The following DHX29 variants were observed in gnomAD, a reference collection of about 807,000 sequenced individuals.
DHX29 encodes the protein DExH-box helicase 29.
In DHX29, 79 loss-of-function variants were observed where a neutral mutation model predicts 167.9. The ratio of observed to expected loss-of-function variants is 0.47; its 90% CI spans 0.39 to 0.57. The LOEUF (loss-of-function observed/expected upper bound fraction) is 0.57. Among genes scored for constraint, DHX29 ranks in the 20% least tolerant of loss-of-function variants. DHX29 has a pLI of 0.00. For synonymous variants in DHX29, 530 were observed against 546.0 expected (o/e 0.97, Z 0.41); for missense variants, 1,347 against 1,593.4 (o/e 0.85, Z 2.63).
At chr5:55,294,262 T>C (rs1748194022) in intron 5 of DHX29, 117 bp from the exon 6 acceptor site, 3 of 1,027,320 alleles carry the variant, frequency 2.9e-6, no homozygotes, top group Non-Finnish European at 4.1e-6. Flanking sequence ...TAAGCTGTTA[T>C]TCCTTATTGC....
chr5:55,282,439 C>T (rs927609228), intron 11 of DHX29, among the ~76,000 whole-genome samples: 1 of 152,110 alleles, frequency 6.6e-6, no homozygotes, highest in African/African-American at 2.4e-5. Flanking sequence ...CAGCAGAAAC[C>T]GTGCCTTTTT....
chr5:55,261,610 T>C (rs400437), intron 24 of DHX29, 111 bp from the exon 25 acceptor site: 732,252 of 732,456 alleles, frequency 1, 366,024 homozygotes, highest in Middle Eastern at 1. Context: ...CATTTTAAGC[T>C]CAGAGTATTT....
At position 55,262,711 on chromosome 5, in the gene DHX29, C is replaced by A; in HGVS notation, c.3747G>T (p.Thr1249=). Residue 1249 remains threonine, a synonymous_variant, in exon 24 of 27, where the codon ACG becomes ACT. Coordinates refer to ENST00000251636, the MANE Select transcript of DHX29 (RefSeq NM_019030.4). ...GGTGTACTTGTGCTTTGCCTTGGGC[C>A]GTCTCCACAATGCAAGCCAATTTTT... is the stretch of plus-strand genomic sequence containing the variant. ...VTEKLACIVE[T]AQGKAQVHPS... is the part of the protein sequence containing the mutation. The A allele has an allele frequency of 6.2e-7, 1 of 1,614,018 alleles. No homozygotes were observed. The highest frequency in any genetic ancestry group is 8.5e-7 in the Non-Finnish European group (1 of 1,179,964).
intron 18 of DHX29, among the ~76,000 whole-genome samples, chr5:55,271,056 A>T (rs1449035831): frequency 6.6e-6 from 1 of 152,198 alleles, no homozygotes; most frequent in Non-Finnish European, 1.5e-5. Flanking sequence ...AATTCAACAT[A>T]CCTTTCACGA....
chr5:55,260,120 T>C (rs1200176191), intron 25 of DHX29, among the ~76,000 whole-genome samples, 176 bp from the exon 26 acceptor site: 1 of 152,230 alleles, frequency 6.6e-6, no homozygotes, highest in East Asian at 1.9e-4. Flanking sequence ...ACCTGTCAAT[T>C]TCCTTATTAA....
At chr5:55,279,259 T>G (rs1747275252) in intron 12 of DHX29, among the ~76,000 whole-genome samples, 1 of 152,068 alleles carries the variant, frequency 6.6e-6, no homozygotes, top group Non-Finnish European at 1.5e-5. Context: ...TTAAAGACAC[T>G]TTTACTTTGG....
intron 8 of DHX29, among the ~76,000 whole-genome samples, chr5:55,288,086 T>C (rs945678950): frequency 1.3e-5 from 2 of 151,054 alleles, no homozygotes; most frequent in Non-Finnish European, 2.9e-5. Context: ...CTACTAAAAA[T>C]ACAAAAACTA....
intron 9 of DHX29, 101 bp downstream of exon 9, chr5:55,285,595 C>G (rs1272087128): frequency 2.2e-6 from 3 of 1,335,116 alleles, no homozygotes; most frequent in African/African-American, 1.5e-5. Context: ...TTGAGAGCTT[C>G]CTAAATGTCT....
At chr5:55,280,540 A>G (rs1291414985) in intron 12 of DHX29, among the ~76,000 whole-genome samples, 1 of 152,208 alleles carries the variant, frequency 6.6e-6, no homozygotes, top group Non-Finnish European at 1.5e-5. Flanking sequence ...ATACAAAGCC[A>G]CAATGTGACA....
At chr5:55,284,365 C>G (rs962048195) in intron 10 of DHX29, among the ~76,000 whole-genome samples, 5 of 152,180 alleles carry the variant, frequency 3.3e-5, no homozygotes, top group African/African-American at 1.2e-4. Flanking sequence ...TTTAAATTAA[C>G]TATACTGGAT....
At chr5:55,287,938 G>GAAAAAAAAA (rs1247600043) in intron 8 of DHX29, among the ~76,000 whole-genome samples, 7 of 81,696 alleles carry the variant, frequency 8.6e-5, no homozygotes, top group Admixed American at 1.3e-4. Flanking sequence ...TGGAAAAAAA[G>GAAAAAAAAA]AAAAAAAAAA....
intron 1 of DHX29, among the ~76,000 whole-genome samples, chr5:55,301,778 T>C (rs956272270): frequency 4.6e-5 from 7 of 152,004 alleles, no homozygotes; most frequent in African/African-American, 1.7e-4. Flanking sequence ...GCATGGTTTT[T>C]ATACACCTTA....
intron 3 of DHX29, among the ~76,000 whole-genome samples, chr5:55,296,813 T>A (rs1014064166): frequency 1.3e-5 from 2 of 152,152 alleles, no homozygotes; most frequent in African/African-American, 4.8e-5. Flanking sequence ...TCAGTGAACA[T>A]CTTTATAGAT....
At chr5:55,299,588 T>C (rs1225758197) in intron 1 of DHX29, among the ~76,000 whole-genome samples, 6 of 152,130 alleles carry the variant, frequency 3.9e-5, no homozygotes. Flanking sequence ...TAAGAATCGT[T>C]CCTTCCCCCT....
In DHX29 at chr5:55,307,506, G is replaced by C. The variant is rs571880607; in HGVS notation, c.68C>G (p.Ser23Cys). The C allele has an allele frequency of 1.9e-6, 3 of 1,613,740 alleles. No homozygotes were observed. In the South Asian group the frequency reaches 3.3e-5, roughly 18 times the overall value. The stretch of plus-strand genomic sequence containing the variant: ...TCCAGCCTCGGCAGATTTGGCTCTG[G>C]AAGCAGACACGGCGGCCCGGACCAC... ...AAVVRAAVSA[S>C]RAKSAEAGIA... Residue 23 changes from serine (S) to cysteine (C), a missense_variant, in exon 1 of 27, where the codon TCC becomes TGC. Around this residue, in one of 3 missense-constraint regions of DHX29, gnomAD observed 405 missense variants for 416.8 expected, o/e 0.97. Coordinates refer to ENST00000251636, the MANE Select transcript of DHX29 (RefSeq NM_019030.4).
rs138558686 is a variant in DHX29 at position 55,260,968 on chromosome 5, G to C, written c.3960+400C>G. Among the ~76,000 whole-genome samples, 107 of 152,238 alleles carry C rather than the reference G, an allele frequency of 7.0e-4. 1 individual carries two copies. In the East Asian group the frequency reaches 0.014, roughly 20 times the overall value. ...TTGGGTATCAAATAGTCCTAGATTT[G>C]AATCTTGCTCTGTCAGTAACAATCC... On this transcript the variant is annotated intron_variant, in intron 25 of 26. Transcript: ENST00000251636.
At chr5:55,258,780 T>C (rs1261442824) in intron 26 of DHX29, among the ~76,000 whole-genome samples, 1 of 152,116 alleles carries the variant, frequency 6.6e-6, no homozygotes, top group East Asian at 1.9e-4. Context: ...CTTGAACTCC[T>C]GGCCTCAAGC....
chr5:55,292,764 C>T (rs1399295878), intron 6 of DHX29, among the ~76,000 whole-genome samples: 1 of 152,100 alleles, frequency 6.6e-6, no homozygotes, highest in Non-Finnish European at 1.5e-5. Context: ...CAGCTGTACC[C>T]TTGTTCACAC....
chr5:55,277,059 G>A (rs547023501), intron 13 of DHX29, 47 bp downstream of exon 13: 2 of 1,399,036 alleles, frequency 1.4e-6, no homozygotes, highest in African/African-American at 1.4e-5. Context: ...AAAGAACCTG[G>A]TGGGAATGCA....
Sources: gnomAD v4.1 joint callset for allele counts (sites outside exome capture counted in the v4.1 genomes callset) on GRCh38, gnomAD v4.1.1 for gene constraint, gnomAD v4.1.1 regional missense constraint, MANE v1.5 for transcripts, NCBI Gene and HGNC (gene_info 2026-07-23, HGNC 2026-07-21) for gene names.